Variants in ABCA7 observed in about 807,000 individuals in gnomAD.
ABCA7 encodes the protein phospholipid-transporting ATPase ABCA7.
A neutral mutation model predicts 227.6 loss-of-function variants in ABCA7; 261 were observed. That is an observed-to-expected ratio of 1.15 (90% confidence interval 1.04 to 1.27). ABCA7 has a LOEUF of 1.27. Among genes scored for constraint, ABCA7 ranks in the 50% most tolerant of loss-of-function variants. The pLI is 0.00. For synonymous variants in ABCA7, 1,488 were observed against 1,279.7 expected (o/e 1.16, Z -3.47); for missense variants, 3,331 against 2,924.5 (o/e 1.14, Z -3.21).
chr19:1,062,358 C>G (rs1476860497), intron 42 of ABCA7, 45 bp downstream of exon 42: 1 of 1,586,208 alleles, frequency 6.3e-7, no homozygotes, highest in African/African-American at 1.3e-5. Context: ...CAGGGCCCAC[C>G]CGACCCAGGC....
chr19:1,057,961 G>A lies in ABCA7; in HGVS notation c.4927G>A (p.Val1643Met), dbSNP rs141237099. ...GTACCCAGCCTCCTTCTTCTTCTCC[G>A]TGCCCAGCACAGCCTATGTGGTGCT... ...LMYPASFFFSVPSTAYVVLTC... is the reference protein window; with the variant it reads ...LMYPASFFFSMPSTAYVVLTC... Residue 1643 changes from valine to methionine, a missense_variant, in exon 36 of 47, where the codon GTG becomes ATG. Coordinates refer to ENST00000263094, the MANE Select transcript of ABCA7 (RefSeq NM_019112.4). 183 of 1,613,918 alleles carry A rather than the reference G, an allele frequency of 1.1e-4. No individual in the cohort carries two copies. In the African/African-American group the frequency reaches 1.2e-3, roughly 10 times the overall value.
chr19:1,049,230 A>G, intron 17 of ABCA7, 36 bp from the exon 18 acceptor site: 3 of 1,562,044 alleles, frequency 1.9e-6, no homozygotes, highest in Non-Finnish European at 1.7e-6. Context: ...CAGGACCCCC[A>G]TGACCTCCAT....
chr19:1,055,300 G>T lies in ABCA7; in HGVS notation c.4154G>T (p.Arg1385Leu). Residue 1385 changes from arginine to leucine, a missense_variant, in exon 30 of 47, where the codon CGG becomes CTG. By Grantham distance (102) the Arg-to-Leu change is moderately radical. Coordinates refer to ENST00000263094, the MANE Select transcript of ABCA7 (RefSeq NM_019112.4). ...SGEVVQNLTG[R>L]NLSDFLVKTY... is the part of the protein sequence containing the mutation. ...GAAGTGGTTCAGAACCTGACAGGCC[G>T]GAACCTGTCTGACTTCCTGGTCAAG... 1.2e-6 allele frequency: 2 copies of T among 1,604,206 alleles called. No individual in the cohort carries two copies. The highest frequency in any genetic ancestry group is 1.7e-6 in the Non-Finnish European group (2 of 1,176,882).
In ABCA7 at chr19:1,052,283, G is replaced by T; in HGVS notation, c.3217G>T (p.Val1073Phe). 1 of 1,538,890 alleles carries T rather than the reference G, an allele frequency of 6.5e-7. No individual in the cohort carries two copies. Among genetic ancestry groups the T allele is most frequent in the Non-Finnish European group, 8.7e-7 (1 of 1,143,974 alleles). The change falls in exon 23 of 47, where the codon GTC becomes TTC. Residue 1073 changes from valine to phenylalanine, a missense_variant. Physicochemically the swap from Val to Phe is conservative, Grantham distance 50. Transcript: ENST00000263094. ...EKKNGSQGSRVGTPQLLALVQ... is the reference protein window; with the variant it reads ...EKKNGSQGSRFGTPQLLALVQ... ...GAAGAATGGCAGCCAGGGCAGCAGA[G>T]TCGGTGAGGGCCGGGGTGGGAGACC...
At position 1,054,363 on chromosome 19, in the gene ABCA7, G is replaced by A; in HGVS notation, c.3726+22G>A. 2 of 1,579,406 alleles carry A rather than the reference G, an allele frequency of 1.3e-6. No individual in the cohort carries two copies. The highest frequency in any genetic ancestry group is 1.7e-5 in the Admixed American group (1 of 58,246). On this transcript the variant is annotated intron_variant, in intron 27 of 46. Coordinates refer to ENST00000263094, the MANE Select transcript of ABCA7 (RefSeq NM_019112.4). The surrounding 1 kb of genome is among the most constrained non-coding windows in gnomAD (Gnocchi z 4.8). ...CCAGGTGAGGAGGGCTAGCACCAGG[G>A]AGTCGCATGGGAGTCCCTGAGTTCC...
At position 1,054,249 on chromosome 19, in the gene ABCA7, C is replaced by G; in HGVS notation, c.3634C>G (p.Gln1212Glu). Residue 1212 changes from glutamine (Q) to glutamate (E), a missense_variant, in exon 27 of 47, where the codon CAG becomes GAG. Coordinates refer to ENST00000263094, the MANE Select transcript of ABCA7 (RefSeq NM_019112.4). This position sits in a 1 kb window ranked among gnomAD's most constrained non-coding sequence, Gnocchi z 4.8. ...TGGGCCAGACGCCGTGGGCCGGGTACAGGGCTGGGCACTGACCCGCCAGCA... is the reference window on the plus strand; with the variant it reads ...TGGGCCAGACGCCGTGGGCCGGGTAGAGGGCTGGGCACTGACCCGCCAGCA... ...GSGPDAVGRVQGWALTRQQLQ... is the reference protein window; with the variant it reads ...GSGPDAVGRVEGWALTRQQLQ... 2 of 1,609,080 alleles carry G rather than the reference C, an allele frequency of 1.2e-6. No homozygotes were observed. The highest frequency in any genetic ancestry group is 1.7e-6 in the Non-Finnish European group (2 of 1,178,820).
In ABCA7 at chr19:1,062,179, C is replaced by A. The variant is rs752328426; in HGVS notation, c.5578C>A (p.Arg1860=). 78 of 1,611,774 alleles carry A rather than the reference C, an allele frequency of 4.8e-5. No individual in the cohort carries two copies. Among genetic ancestry groups the A allele is most frequent in the Non-Finnish European group, 5.4e-5 (64 of 1,179,446 alleles). Residue 1860 remains arginine, a synonymous_variant, in exon 42 of 47, where the codon CGG becomes AGG. Coordinates refer to ENST00000263094, the MANE Select transcript of ABCA7 (RefSeq NM_019112.4). ...EAVLAGHSVA[R]EPSAAHLSMG... ...CGGCGCCCCCATCCCCAGCGTGGCCCGGGAACCCAGTGCTGCGCACCTCAG... is the reference window on the plus strand; with the variant it reads ...CGGCGCCCCCATCCCCAGCGTGGCCAGGGAACCCAGTGCTGCGCACCTCAG...
chr19:1,049,957 C>CACCACTCCCTCCCTGTGAGCCGCCCAA (rs1555689202), intron 18 of ABCA7, among the ~76,000 whole-genome samples: 26 of 66,140 alleles, frequency 3.9e-4, no homozygotes, highest in Non-Finnish European at 5.2e-4. Flanking sequence ...GTGAGTCCCC[C>CACCACTCCCTCCCTGTGAGCCGCCCAA]ACCACTCCCT....
At chr19:1,049,235 C>T (rs200102038) in intron 17 of ABCA7, 31 bp from the exon 18 acceptor site, 16 of 1,569,598 alleles carry the variant, frequency 1.0e-5, no homozygotes, top group African/African-American at 8.1e-5. Flanking sequence ...CCCCCATGAC[C>T]TCCATGGCTG....
chr19:1,058,241 G>A lies in ABCA7; in HGVS notation c.5121G>A (p.Gln1707=). 6.2e-7 allele frequency: 1 copy of A among 1,613,602 alleles called. No homozygotes were observed. Among genetic ancestry groups the A allele is most frequent in the Non-Finnish European group, 8.5e-7 (1 of 1,179,974 alleles). Residue 1707 remains glutamine (Q), a synonymous_variant, in exon 37 of 47, where the codon CAG becomes CAA. Transcript: ENST00000263094. ...GGCTCATTGACATGGTGCGGAACCAGGCCATGGCTGATGCCTTTGAGCGCT... is the reference window on the plus strand; with the variant it reads ...GGCTCATTGACATGGTGCGGAACCAAGCCATGGCTGATGCCTTTGAGCGCT... ...GRGLIDMVRN[Q]AMADAFERLG...
intron 40 of ABCA7, 67 bp from the exon 41 acceptor site, chr19:1,061,715 A>AAT: frequency 4.3e-6 from 6 of 1,411,524 alleles, no homozygotes; most frequent in African/African-American, 1.5e-5. Flanking sequence ...AAAAAAAAAA[A>AAT]GAAATCAGAG....
chr19:1,046,838 C>T lies in ABCA7; in HGVS notation c.1659C>T (p.Phe553=). 1.4e-5 allele frequency: 21 copies of T among 1,541,072 alleles called. No homozygotes were observed. The highest frequency in any genetic ancestry group is 1.8e-5 in the Non-Finnish European group (21 of 1,147,938). ...TGCTGAGCCGGTCGCTGCCGCTCTT[C>T]CTGACGCTGGCCTGGATCTACTCCG... is the stretch of plus-strand genomic sequence containing the variant. ...LRVLSRSLPL[F]LTLAWIYSVT... The change falls in exon 14 of 47, where the codon TTC becomes TTT. Residue 553 remains phenylalanine (F), a synonymous_variant. Transcript: ENST00000263094.
At chr19:1,063,236 G>A (rs1395107826) in intron 42 of ABCA7, among the ~76,000 whole-genome samples, 2 of 120,554 alleles carry the variant, frequency 1.7e-5, no homozygotes, top group East Asian at 5.0e-4. Flanking sequence ...TACTCATGCT[G>A]TCTCCACCCA....
intron 37 of ABCA7, 82 bp from the exon 38 acceptor site, chr19:1,058,536 A>C: frequency 6.3e-7 from 1 of 1,578,972 alleles, no homozygotes; most frequent in South Asian, 1.2e-5. Context: ...CCTTTCCCTT[A>C]AGAATCCAGA....
chr19:1,056,085 G>T lies in ABCA7; in HGVS notation c.4258G>T (p.Gly1420Trp), dbSNP rs763592674. 5.6e-6 allele frequency: 9 copies of T among 1,597,198 alleles called. No individual in the cohort carries two copies. Among genetic ancestry groups the T allele is most frequent in the East Asian group, 4.5e-5 (2 of 44,616 alleles). The stretch of plus-strand genomic sequence containing the variant: ...CCACAGATACGGAGGCTTCTCGCTG[G>T]GGGGCCGAGACCCAGGCCTGCCCTC... The part of the protein sequence containing the change: ...NEVRYGGFSL[G>W]GRDPGLPSGQ... The change falls in exon 32 of 47, where the codon GGG (glycine) becomes TGG (tryptophan). Residue 1420 changes from glycine to tryptophan, a missense_variant. Transcript: ENST00000263094. The surrounding 1 kb of genome is among the most constrained non-coding windows in gnomAD (Gnocchi z 4.3).
At chr19:1,044,152 G>A (rs1013010931) in intron 10 of ABCA7, among the ~76,000 whole-genome samples, 1 of 150,980 alleles carries the variant, frequency 6.6e-6, no homozygotes, top group Non-Finnish European at 1.5e-5. Context: ...ATGTTAGCCA[G>A]GATGGTCTCG....
At position 1,051,050 on chromosome 19, in the gene ABCA7, C is replaced by G; in HGVS notation, c.2682C>G (p.Asp894Glu). The G allele has an allele frequency of 6.2e-7, 1 of 1,611,212 alleles. No individual in the cohort carries two copies. Residue 894 changes from aspartate (D) to glutamate (E), a missense_variant and splice_region_variant, in exon 19 of 47, where the codon GAC becomes GAG. Physicochemically the swap from Asp to Glu is conservative, Grantham distance 45 (BLOSUM62 2). Coordinates refer to ENST00000263094, the MANE Select transcript of ABCA7 (RefSeq NM_019112.4). ...GVCPQYNVLF[D>E]MLTVDEHVWF... ...GTCCTCAGTACAACGTGCTGTTTGA[C>G]ATGTGCGTCTCGGCAGGCCCAGAGT...
rs979093122 is a variant in ABCA7 at position 1,047,393 on chromosome 19, G to C, written c.2067+15G>C. On this transcript the variant is annotated intron_variant, in intron 15 of 46. Coordinates refer to ENST00000263094, the MANE Select transcript of ABCA7 (RefSeq NM_019112.4). ...GCGTGGCCGCGGTGAGAGCCGGGTC[G>C]GGCGTGGATGGGGGACGCCCCCCGC... The C allele has an allele frequency of 2.6e-6, 4 of 1,553,786 alleles. No individual in the cohort carries two copies. Among genetic ancestry groups the C allele is most frequent in the Non-Finnish European group, 3.5e-6 (4 of 1,155,490 alleles).
In ABCA7 at chr19:1,053,846, C is replaced by T; in HGVS notation, c.3472+10C>T. ...GACACAGATATGGAGGGTGCGGCCA[C>T]AGCTCCCTGACCCCTGACCCCAGTC... On this transcript the variant is annotated intron_variant, in intron 25 of 46. Transcript: ENST00000263094. The T allele has an allele frequency of 6.2e-7, 1 of 1,609,118 alleles. No homozygotes were observed. Among genetic ancestry groups the T allele is most frequent in the South Asian group, 1.1e-5 (1 of 90,780 alleles).
Sources: gnomAD v4.1 joint callset for allele counts (sites outside exome capture counted in the v4.1 genomes callset) on GRCh38, gnomAD v4.1.1 for gene constraint, Gnocchi (gnomAD v3.1) non-coding constraint, MANE v1.5 for transcripts, NCBI Gene and HGNC (gene_info 2026-07-23, HGNC 2026-07-21) for gene names.